The following ARHGAP28 variants were observed in gnomAD, a reference collection of about 807,000 sequenced individuals.
The protein encoded by ARHGAP28 is rho GTPase-activating protein 28.
A neutral mutation model predicts 90.7 loss-of-function variants in ARHGAP28; 56 were observed. The ratio of observed to expected loss-of-function variants is 0.62; its 90% CI spans 0.50 to 0.77. The LOEUF (loss-of-function observed/expected upper bound fraction) is 0.77, where lower values mean the gene tolerates loss of function less well. Among genes scored for constraint, ARHGAP28 ranks in the 30% least tolerant of loss-of-function variants. The probability of loss-of-function intolerance (pLI) is 0.00; values close to 1 mark genes in which losing one functional copy is unlikely to be tolerated. For synonymous variants in ARHGAP28, 308 were observed against 323.3 expected (o/e 0.95, Z 0.51); for missense variants, 869 against 900.9 (o/e 0.96, Z 0.45).
chr18:6,876,093 A>G (rs767516056), intron 9 of ARHGAP28, 38 bp from the exon 10 acceptor site: 3 of 1,436,380 alleles, frequency 2.1e-6, no homozygotes, highest in South Asian at 2.3e-5. Context: ...ATGATCATAT[A>G]GAGGTACTTA....
At chr18:6,825,086 C>T (rs2056652849) in intron 2 of ARHGAP28, 122 bp downstream of exon 2, 2 of 939,180 alleles carry the variant, frequency 2.1e-6, no homozygotes, top group South Asian at 1.9e-5. Flanking sequence ...TAGAATCTGG[C>T]ATATTGATGA....
At chr18:6,824,498 C>T (rs2056647781) in intron 1 of ARHGAP28, among the ~76,000 whole-genome samples, 2 of 152,006 alleles carry the variant, frequency 1.3e-5, no homozygotes, top group African/African-American at 4.8e-5. Context: ...GATCGCGCCA[C>T]CATACTCCAG....
At chr18:6,800,620 A>G (rs925770147) in intron 1 of ARHGAP28, among the ~76,000 whole-genome samples, 1 of 152,200 alleles carries the variant, frequency 6.6e-6, no homozygotes, top group Non-Finnish European at 1.5e-5. Flanking sequence ...CAGAAAACCA[A>G]ACACTGCATG....
chr18:6,871,134 C>G (rs551130235), intron 7 of ARHGAP28, among the ~76,000 whole-genome samples: 2 of 152,108 alleles, frequency 1.3e-5, no homozygotes, highest in African/African-American at 4.8e-5. Flanking sequence ...TGTGTGTGCA[C>G]GGGGATTTCA....
chr18:6,831,489 T>G (rs1170007372), intron 2 of ARHGAP28, among the ~76,000 whole-genome samples: 3 of 131,436 alleles, frequency 2.3e-5, no homozygotes, highest in Admixed American at 7.4e-5. Flanking sequence ...TTTTTTTTTC[T>G]TTTTTTTTTT....
Position 6,912,220 on chromosome 18 carries a change from A to G in ARHGAP28, c.*66A>G. On this transcript the variant is annotated 3_prime_UTR_variant, in exon 18 of 18. Coordinates refer to ENST00000383472, the MANE Select transcript of ARHGAP28 (RefSeq NM_001366230.1). ...AAAGATCCTACATTTTGGTAGGGAAAAAACAACACTGTGTTTGACGTATTT... is the reference window on the plus strand; with the variant it reads ...AAAGATCCTACATTTTGGTAGGGAAGAAACAACACTGTGTTTGACGTATTT... 1 of 910,816 alleles carries G rather than the reference A, an allele frequency of 1.1e-6. No individual in the cohort carries two copies. Among genetic ancestry groups the G allele is most frequent in the Non-Finnish European group, 1.7e-6 (1 of 587,926 alleles). 56.4% of individuals were successfully genotyped at this position (910,816 alleles called of 1,614,324 possible).
In ARHGAP28 at chr18:6,824,744, A is replaced by T. The variant is rs938442455; in HGVS notation, c.123-18A>T. On this transcript the variant is annotated intron_variant, in intron 1 of 17. Coordinates refer to ENST00000383472, the MANE Select transcript of ARHGAP28 (RefSeq NM_001366230.1). Reference sequence around the variant, plus strand: ...AAATATAACCCGTTTTTATTCATAGATATTATTCTTTCCTCAGAAAATCCA... The same window carrying T: ...AAATATAACCCGTTTTTATTCATAGTTATTATTCTTTCCTCAGAAAATCCA... The T allele has an allele frequency of 5.9e-6, 9 of 1,524,410 alleles. No homozygotes were observed. Among genetic ancestry groups the T allele is most frequent in the Non-Finnish European group, 7.9e-6 (9 of 1,142,108 alleles). The allele number at this position is 1,524,410 out of a possible 1,614,324, so 94.4% of individuals were successfully genotyped here. A position where few individuals can be genotyped will look rare whatever the true frequency, so the allele number is the denominator to read the frequency against.
chr18:6,888,202 C>G (rs1902609443), intron 12 of ARHGAP28, among the ~76,000 whole-genome samples: 1 of 152,180 alleles, frequency 6.6e-6, no homozygotes, highest in African/African-American at 2.4e-5. Flanking sequence ...CAATTTTTCT[C>G]TCTTTATTTC....
intron 1 of ARHGAP28, among the ~76,000 whole-genome samples, chr18:6,781,212 G>A (rs921233060): frequency 3.9e-5 from 6 of 152,310 alleles, no homozygotes; most frequent in Non-Finnish European, 8.8e-5. Context: ...GACCTGTGTT[G>A]GTGACTCAGC....
intron 1 of ARHGAP28, among the ~76,000 whole-genome samples, chr18:6,730,926 T>A (rs1213381986): frequency 6.6e-6 from 1 of 152,236 alleles, no homozygotes; most frequent in Non-Finnish European, 1.5e-5. Context: ...TGTTTCCTAA[T>A]TTAATTGATT....
At chr18:6,885,986 C>T (rs1037186162) in intron 11 of ARHGAP28, among the ~76,000 whole-genome samples, 7 of 152,036 alleles carry the variant, frequency 4.6e-5, no homozygotes, top group East Asian at 1.9e-4. Flanking sequence ...CCTGGACCTG[C>T]GTCATTATAA....
Position 6,890,553 on chromosome 18 carries a change from C to T in ARHGAP28, c.1848+10C>T, listed in dbSNP as rs1426844331. On this transcript the variant is annotated intron_variant, in intron 14 of 17. Coordinates refer to ENST00000383472, the MANE Select transcript of ARHGAP28 (RefSeq NM_001366230.1). ...GACCCTCGAGCGGGAGGTAAGACAG[C>T]AAATGAGGCATGGCGATTGTCCACT... 2 of 1,561,198 alleles carry T rather than the reference C, an allele frequency of 1.3e-6. No homozygotes were observed. The highest frequency in any genetic ancestry group is 1.4e-5 in the African/African-American group (1 of 73,366).
At chr18:6,825,819 T>C (rs1380153060) in intron 2 of ARHGAP28, among the ~76,000 whole-genome samples, 4 of 152,214 alleles carry the variant, frequency 2.6e-5, no homozygotes, top group Non-Finnish European at 5.9e-5. Flanking sequence ...GTATCCCATC[T>C]TGTATATGTA....
chr18:6,745,017 A>G (rs896557102), intron 1 of ARHGAP28, among the ~76,000 whole-genome samples: 3 of 152,100 alleles, frequency 2.0e-5, no homozygotes, highest in East Asian at 1.9e-4. Context: ...AAAATACTTT[A>G]TACTCTTTTT....
At chr18:6,741,798 C>T (rs945215615) in intron 1 of ARHGAP28, among the ~76,000 whole-genome samples, 1 of 152,226 alleles carries the variant, frequency 6.6e-6, no homozygotes, top group Non-Finnish European at 1.5e-5. Context: ...CTGCCCACAT[C>T]CAGTTTGGCT....
intron 3 of ARHGAP28, among the ~76,000 whole-genome samples, chr18:6,847,915 C>T (rs1336894023): frequency 1.3e-5 from 2 of 152,078 alleles, no homozygotes; most frequent in East Asian, 3.9e-4. Context: ...CGCAAGCTTC[C>T]GAGAGTCCTC....
chr18:6,756,641 C>T (rs2056112321), intron 1 of ARHGAP28, among the ~76,000 whole-genome samples: 1 of 152,140 alleles, frequency 6.6e-6, no homozygotes, highest in South Asian at 2.1e-4. Flanking sequence ...GGAGAATTGA[C>T]TCACACAATC....
At chr18:6,816,168 G>A (rs1307922080) in intron 1 of ARHGAP28, among the ~76,000 whole-genome samples, 1 of 152,128 alleles carries the variant, frequency 6.6e-6, no homozygotes, top group African/African-American at 2.4e-5. Context: ...AAGAGAGTTG[G>A]GAGCCTGAGA....
intron 1 of ARHGAP28, among the ~76,000 whole-genome samples, chr18:6,820,287 A>T (rs1009495819): frequency 2.0e-5 from 3 of 152,244 alleles, no homozygotes; most frequent in Non-Finnish European, 2.9e-5. Context: ...GAAGTGAAGT[A>T]TTCATTGGAA....
Sources: allele counts gnomAD v4.1 joint callset (sites outside exome capture counted in the v4.1 genomes callset), GRCh38; gene constraint gnomAD v4.1.1; transcripts MANE v1.5; gene names NCBI Gene and HGNC (gene_info 2026-07-23, HGNC 2026-07-21).